EHBP1: variants seen among roughly 807,000 people sequenced by gnomAD.
EHBP1 encodes EH domain binding protein 1.
Under a neutral mutation model 144.0 loss-of-function variants are expected in EHBP1, and 55 were observed. The observed-to-expected ratio is 0.38, with a 90% CI of 0.31 to 0.48. EHBP1 has a LOEUF of 0.48. Among genes scored for constraint, EHBP1 ranks in the 20% least tolerant of loss-of-function variants. The pLI is 0.98. For synonymous variants in EHBP1, 469 were observed against 472.7 expected (o/e 0.99, Z 0.10); for missense variants, 1,200 against 1,364.2 (o/e 0.88, Z 1.90).
chr2:62,956,273 A>G (rs1385203999), intron 14 of EHBP1, among the ~76,000 whole-genome samples: 2 of 152,218 alleles, frequency 1.3e-5, no homozygotes, highest in Non-Finnish European at 2.9e-5. Flanking sequence ...TAATGAATGT[A>G]TAATAACAGG....
chr2:62,727,591 A>G (rs1464557038), intron 2 of EHBP1, among the ~76,000 whole-genome samples: 1 of 152,104 alleles, frequency 6.6e-6, no homozygotes, highest in African/African-American at 2.4e-5. Flanking sequence ...TTCACTTAGC[A>G]TTATGGTTTC....
intron 3 of EHBP1, among the ~76,000 whole-genome samples, chr2:62,753,971 C>G (rs2040010184): frequency 6.6e-6 from 1 of 152,198 alleles, no homozygotes; most frequent in Non-Finnish European, 1.5e-5. Context: ...GTTTGATCGT[C>G]TGAAGCCTTC....
intron 2 of EHBP1, among the ~76,000 whole-genome samples, chr2:62,709,606 T>A (rs1213055959): frequency 6.6e-6 from 1 of 152,070 alleles, no homozygotes; most frequent in Non-Finnish European, 1.5e-5. Context: ...ACAGCGAAAA[T>A]TTAGCTTGAT....
intron 5 of EHBP1, among the ~76,000 whole-genome samples, chr2:62,775,486 T>C (rs1226757169): frequency 6.6e-6 from 1 of 152,192 alleles, no homozygotes; most frequent in Non-Finnish European, 1.5e-5. Context: ...TTGAATGGAA[T>C]TGTAATACCT....
chr2:62,728,131 G>A lies in EHBP1; in HGVS notation c.105-19264G>A, dbSNP rs149770556. On this transcript the variant is annotated intron_variant, in intron 2 of 22. Coordinates refer to ENST00000431489, the MANE Select transcript of EHBP1 (RefSeq NM_001142616.3). ...TAATTGTTAAGCATTCTTTCCTGAA[G>A]TGGGACACTCCACAACCTCGGTTTG... is the stretch of plus-strand genomic sequence containing the variant. Among the ~76,000 whole-genome samples the A allele has an allele frequency of 1.2e-3, 178 of 152,334 alleles. 1 individual carries two copies. The highest frequency in any genetic ancestry group is 4.1e-3 in the African/African-American group (172 of 41,564).
At chr2:62,889,827 T>C (rs2052296526) in intron 10 of EHBP1, among the ~76,000 whole-genome samples, 1 of 152,152 alleles carries the variant, frequency 6.6e-6, no homozygotes, top group African/African-American at 2.4e-5. Context: ...TTTGTACCAG[T>C]ACCATGCTGT....
chr2:62,968,455 CAA>C (rs1252952079), intron 14 of EHBP1, among the ~76,000 whole-genome samples: 1 of 152,010 alleles, frequency 6.6e-6, no homozygotes, highest in Non-Finnish European at 1.5e-5. Flanking sequence ...CAGAGAGAGA[CAA>C]GAGAGAAGAT....
At chr2:62,984,222 T>C (rs2059096066) in intron 15 of EHBP1, among the ~76,000 whole-genome samples, 1 of 152,196 alleles carries the variant, frequency 6.6e-6, no homozygotes, top group South Asian at 2.1e-4. Flanking sequence ...ATTCTCTCTC[T>C]CTCTCTTTTT....
At chr2:62,727,080 C>T (rs1248736687) in intron 2 of EHBP1, among the ~76,000 whole-genome samples, 5 of 152,176 alleles carry the variant, frequency 3.3e-5, no homozygotes, top group Non-Finnish European at 7.3e-5. Flanking sequence ...TCAGGCTGGT[C>T]TCAAACTCCT....
At chr2:62,913,710 A>G (rs1421826060) in intron 10 of EHBP1, among the ~76,000 whole-genome samples, 2 of 152,226 alleles carry the variant, frequency 1.3e-5, no homozygotes, top group African/African-American at 4.8e-5. Context: ...CATTTTATCC[A>G]AAGTGGAAAA....
At chr2:62,930,582 G>A (rs995727732) in intron 10 of EHBP1, among the ~76,000 whole-genome samples, 16 of 151,944 alleles carry the variant, frequency 1.1e-4, no homozygotes, top group African/African-American at 3.6e-4. Context: ...AACAAGCCTC[G>A]AAAAGAACAA....
chr2:62,830,356 G>C (rs902641563), intron 6 of EHBP1, among the ~76,000 whole-genome samples: 2 of 151,866 alleles, frequency 1.3e-5, no homozygotes, highest in Non-Finnish European at 2.9e-5. Flanking sequence ...GGCTGGTCTC[G>C]AACTCCTGAC....
chr2:62,779,452 C>G (rs184431659), intron 5 of EHBP1, among the ~76,000 whole-genome samples: 1 of 152,212 alleles, frequency 6.6e-6, no homozygotes, highest in Admixed American at 6.5e-5. Flanking sequence ...ACTGCAGTTT[C>G]GTCAAGGAAG....
At chr2:62,760,733 G>C (rs2040700951) in intron 3 of EHBP1, among the ~76,000 whole-genome samples, 1 of 152,180 alleles carries the variant, frequency 6.6e-6, no homozygotes, top group African/African-American at 2.4e-5. Flanking sequence ...GCAAATCAGA[G>C]ATAGAGCAGG....
chr2:62,997,066 A>G (rs1279001313), intron 19 of EHBP1, among the ~76,000 whole-genome samples: 5 of 151,844 alleles, frequency 3.3e-5, no homozygotes, highest in Admixed American at 3.3e-4. Flanking sequence ...AAAAAGTAAG[A>G]TCTTTACTGT....
At chr2:62,781,494 G>A (rs2042422042) in intron 5 of EHBP1, among the ~76,000 whole-genome samples, 1 of 152,148 alleles carries the variant, frequency 6.6e-6, no homozygotes, top group Non-Finnish European at 1.5e-5. Context: ...TTCACTGGGA[G>A]TGTGCTGTAG....
chr2:62,792,619 A>G (rs71422360), intron 5 of EHBP1, among the ~76,000 whole-genome samples: 1,795 of 152,126 alleles, frequency 0.012, 16 homozygotes, highest in Non-Finnish European at 0.019. Flanking sequence ...TTAATTTTTC[A>G]TGTGATAGTC....
At chr2:62,956,480 T>A (rs996638601) in intron 14 of EHBP1, among the ~76,000 whole-genome samples, 8 of 152,160 alleles carry the variant, frequency 5.3e-5, no homozygotes, top group South Asian at 2.1e-4. Context: ...ACCCTATTGC[T>A]TATGAGACTA....
intron 10 of EHBP1, among the ~76,000 whole-genome samples, chr2:62,934,543 T>C (rs1168591039): frequency 6.6e-6 from 1 of 152,226 alleles, no homozygotes; most frequent in Non-Finnish European, 1.5e-5. Context: ...AAACATAGCA[T>C]ATTAGCATTA....
Sources: gnomAD v4.1 joint callset for allele counts (sites outside exome capture counted in the v4.1 genomes callset) on GRCh38, gnomAD v4.1.1 for gene constraint, MANE v1.5 for transcripts, NCBI Gene and HGNC (gene_info 2026-07-23, HGNC 2026-07-21) for gene names.